Variants in MAIP1 observed in about 807,000 individuals in gnomAD.
MAIP1 encodes the protein matrix AAA peptidase interacting protein 1, also known as m-AAA protease-interacting protein 1, mitochondrial.
A neutral mutation model predicts 31.2 loss-of-function variants in MAIP1; 28 were observed. That is an observed-to-expected ratio of 0.90 (90% CI 0.67 to 1.23). MAIP1 has a LOEUF of 1.23. Among genes scored for constraint, MAIP1 ranks in the 50% most tolerant of loss-of-function variants. MAIP1 has a pLI of 0.00. For synonymous variants in MAIP1, 142 were observed against 142.3 expected (o/e 1.00, Z 0.02); for missense variants, 339 against 356.0 (o/e 0.95, Z 0.38).
Position 199,959,044 on chromosome 2 carries a change from T to C in MAIP1, c.451-224T>C, listed in dbSNP as rs1253465797. ...ACCACACACTATCATTTCCCGGTCCTGAGAGTGGATCCAGAATTAAAGGTC... is the reference window on the plus strand; with the variant it reads ...ACCACACACTATCATTTCCCGGTCCCGAGAGTGGATCCAGAATTAAAGGTC... On this transcript the variant is annotated intron_variant, in intron 1 of 4. Coordinates refer to ENST00000392290, the MANE Select transcript of MAIP1 (RefSeq NM_001394955.1). 2.0e-5 allele frequency among the ~76,000 whole-genome samples: 3 copies of C among 152,246 alleles called. No homozygotes were observed. In the South Asian group the frequency reaches 6.2e-4, roughly 31 times the overall value.
chr2:199,958,751 C>A (rs7598665), intron 1 of MAIP1, among the ~76,000 whole-genome samples: 77,105 of 151,950 alleles, frequency 0.51, 19,882 homozygotes, highest in South Asian at 0.62. Context: ...AATGGAATTT[C>A]ATACTTCAAA....
At chr2:199,956,277 C>T (rs773276688) in intron 1 of MAIP1, 29 bp downstream of exon 1, 3 of 1,540,692 alleles carry the variant, frequency 1.9e-6, no homozygotes, top group Non-Finnish European at 2.7e-6. Flanking sequence ...TTGACCTATC[C>T]GTCTCTAATG....
At chr2:199,957,954 C>T (rs1170346477) in intron 1 of MAIP1, among the ~76,000 whole-genome samples, 1 of 152,180 alleles carries the variant, frequency 6.6e-6, no homozygotes, top group Non-Finnish European at 1.5e-5. Context: ...GTACTTGTTT[C>T]CTCTGAACAC....
At chr2:199,957,039 CTTTTTTTTT>C in intron 1 of MAIP1, among the ~76,000 whole-genome samples, 1 of 129,832 alleles carries the variant, frequency 7.7e-6, no homozygotes, top group East Asian at 2.2e-4. Context: ...TGGGTACATG[CTTTTTTTTT>C]TTTTTTTTGG....
At chr2:199,955,480 C>T (rs2077591649), upstream of MAIP1, 4 of 1,613,170 alleles carry the variant, frequency 2.5e-6, no homozygotes, top group East Asian at 2.2e-5. Flanking sequence ...TGGTTGCTCA[C>T]GCCTGCCCTC....
In MAIP1 at chr2:199,955,962, C is replaced by T; in HGVS notation, c.164C>T (p.Pro55Leu). 2 of 1,607,832 alleles carry T rather than the reference C, an allele frequency of 1.2e-6. No homozygotes were observed. The highest frequency in any genetic ancestry group is 1.7e-6 in the Non-Finnish European group (2 of 1,176,128). ...CRLGLGAALF[P>L]RSARALAASA... is the part of the protein sequence containing the mutation. ...CTCGGCTTGGGAGCGGCGTTATTTC[C>T]ACGAAGCGCTAGGGCCTTGGCAGCC... The change falls in exon 1 of 5, where the codon CCA becomes CTA. Residue 55 changes from proline to leucine, a missense_variant. Physicochemically the swap from Pro to Leu is moderately conservative, Grantham distance 98. Transcript: ENST00000392290.
chr2:199,963,752 C>T lies in MAIP1; in HGVS notation c.817C>T (p.Gln273Ter), dbSNP rs1285941828. The T allele has an allele frequency of 6.2e-7, 1 of 1,605,022 alleles. No homozygotes were observed. The highest frequency in any genetic ancestry group is 1.7e-5 in the Admixed American group (1 of 59,832). Residue 273 changes from glutamine (Q) to a stop codon, truncating the protein, a stop_gained, in exon 5 of 5, where the codon CAA becomes TAA. Coordinates refer to ENST00000392290, the MANE Select transcript of MAIP1 (RefSeq NM_001394955.1). LOFTEE classifies it high-confidence loss of function. ...TCCTAGGTTTCAGAGGGAGTTCACA[C>T]AAGGAGTAAAGCCTGACTGGACCAT... Reference protein sequence around the residue: ...ASYEFQREFTQGVKPDWTIAR... With the variant: ...ASYEFQREFT
chr2:199,963,793 C>T lies in MAIP1; in HGVS notation c.858C>T (p.His286=). The T allele has an allele frequency of 6.2e-7, 1 of 1,606,320 alleles. No homozygotes were observed. Among genetic ancestry groups the T allele is most frequent in the Non-Finnish European group, 8.5e-7 (1 of 1,173,848 alleles). ...KPDWTIARIE[H]SKLLE The stretch of plus-strand genomic sequence containing the variant: ...ACTGGACCATTGCACGGATTGAACA[C>T]TCAAAATTATTAGAATAATTTTCTT... The change falls in exon 5 of 5, where the codon CAC becomes CAT. Residue 286 remains histidine, a synonymous_variant. Coordinates refer to ENST00000392290, the MANE Select transcript of MAIP1 (RefSeq NM_001394955.1).
chr2:199,964,074 C>A lies in MAIP1; in HGVS notation c.*263C>A. On this transcript the variant is annotated 3_prime_UTR_variant, in exon 5 of 5. Coordinates refer to ENST00000392290, the MANE Select transcript of MAIP1 (RefSeq NM_001394955.1). ...ATATTCAATAACATTTCCAATGCTACATATAATTTTATAGACATAATAAAG... is the reference window on the plus strand; with the variant it reads ...ATATTCAATAACATTTCCAATGCTAAATATAATTTTATAGACATAATAAAG... 1 of 231,324 alleles carries A rather than the reference C, an allele frequency of 4.3e-6. No individual in the cohort carries two copies. 14.3% of individuals were successfully genotyped at this position (231,324 alleles called of 1,614,324 possible).
chr2:199,956,131 C>G lies in MAIP1; in HGVS notation c.333C>G (p.Ile111Met), dbSNP rs759438298. 15 of 1,614,110 alleles carry G rather than the reference C, an allele frequency of 9.3e-6. No homozygotes were observed. The Middle Eastern group carries it at 4.9e-4, about 53-fold the overall frequency. Residue 111 changes from isoleucine (I) to methionine (M), a missense_variant, in exon 1 of 5, where the codon ATC (isoleucine) becomes ATG (methionine). Ile to Met is a conservative substitution (Grantham distance 10). Coordinates refer to ENST00000392290, the MANE Select transcript of MAIP1 (RefSeq NM_001394955.1). ...KPQQHQKTKM[I>M]VLGFSNPINW... is the part of the protein sequence containing the mutation. ...AGCAGCACCAGAAAACCAAGATGAT[C>G]GTCCTGGGATTCTCCAACCCCATCA... is the stretch of plus-strand genomic sequence containing the variant.
At chr2:199,960,056 A>G (rs968194614) in intron 3 of MAIP1, among the ~76,000 whole-genome samples, 176 bp downstream of exon 3, 7 of 152,196 alleles carry the variant, frequency 4.6e-5, no homozygotes, top group Admixed American at 4.6e-4. Context: ...TATGGTCATC[A>G]TTTCTTAAGC....
At position 199,961,986 on chromosome 2, in the gene MAIP1, G is replaced by T. The variant is rs540716498; in HGVS notation, c.797+58G>T. The stretch of plus-strand genomic sequence containing the variant: ...TTCAGAAAATGGAAGGTAGTGTGAA[G>T]GTATGAAAACTAAGAGATCTTTAGG... On this transcript the variant is annotated intron_variant, in intron 4 of 4. Coordinates refer to ENST00000392290, the MANE Select transcript of MAIP1 (RefSeq NM_001394955.1). The T allele has an allele frequency of 2.8e-6, 4 of 1,439,564 alleles. No individual in the cohort carries two copies. In the African/African-American group the frequency reaches 4.3e-5, roughly 15 times the overall value. The allele number at this position is 1,439,564 out of a possible 1,614,324, so 89.2% of individuals were successfully genotyped here.
rs766367458 is a variant in MAIP1, at chr2:199,955,841, C to T, written c.43C>T (p.Arg15Trp). Residue 15 changes from arginine to tryptophan, a missense_variant, in exon 1 of 5, where the codon CGG becomes TGG. Coordinates refer to ENST00000392290, the MANE Select transcript of MAIP1 (RefSeq NM_001394955.1). Reference protein sequence around the residue: ...ARLLPQFLHSRSLPCGAVRLR... With the variant: ...ARLLPQFLHSWSLPCGAVRLR... Reference sequence around the variant, plus strand: ...TTTGCTACCCCAGTTCCTGCACTCTCGGTCGCTGCCCTGCGGGGCCGTCCG... The same window carrying T: ...TTTGCTACCCCAGTTCCTGCACTCTTGGTCGCTGCCCTGCGGGGCCGTCCG... 4.6e-6 allele frequency: 7 copies of T among 1,522,272 alleles called. No individual in the cohort carries two copies. Among genetic ancestry groups the T allele is most frequent in the East Asian group, 2.3e-5 (1 of 44,152 alleles). The allele number at this position is 1,522,272 out of a possible 1,614,324, so 94.3% of individuals were successfully genotyped here.
rs369588266 is a variant in MAIP1, at chr2:199,959,887, C to T, written c.649+7C>T. 1.2e-6 allele frequency: 2 copies of T among 1,609,736 alleles called. No individual in the cohort carries two copies. The highest frequency in any genetic ancestry group is 8.5e-7 in the Non-Finnish European group (1 of 1,177,988). On this transcript the variant is annotated splice_region_variant and intron_variant, in intron 3 of 4. Transcript: ENST00000392290. ...ATTTACTATGATGAGAAAGGTAATA[C>T]CAGAGCATAGTCAACTTGAAATGAT...
At chr2:199,960,807 G>A (rs991570589) in intron 3 of MAIP1, among the ~76,000 whole-genome samples, 18 of 152,162 alleles carry the variant, frequency 1.2e-4, no homozygotes, top group African/African-American at 4.1e-4. Flanking sequence ...TTATGTGCCA[G>A]CCACACAGGA....
In MAIP1 at chr2:199,963,982, CA is replaced by C; in HGVS notation, c.*172del. On this transcript the variant is annotated 3_prime_UTR_variant, in exon 5 of 5. Coordinates refer to ENST00000392290, the MANE Select transcript of MAIP1 (RefSeq NM_001394955.1). ...CATGATACAGTAAAAGCATTTTCCA[CA>C]GATTGTTATCACCTTCTTTAAAAGA... The C allele has an allele frequency of 2.4e-6, 1 of 424,038 alleles. No homozygotes were observed. Among genetic ancestry groups the C allele is most frequent in the Non-Finnish European group, 4.2e-6 (1 of 239,058 alleles). The allele number at this position is 424,038 out of a possible 1,614,324, so 26.3% of individuals were successfully genotyped here.
At chr2:199,962,816 G>A (rs559083225) in intron 4 of MAIP1, among the ~76,000 whole-genome samples, 72 of 152,238 alleles carry the variant, frequency 4.7e-4, no homozygotes, top group African/African-American at 1.5e-3. Flanking sequence ...AAGTTAGCAA[G>A]TTACGTAAAA....
chr2:199,955,406 T>C (rs375880668), upstream of MAIP1: 22 of 1,613,328 alleles, frequency 1.4e-5, no homozygotes, highest in Non-Finnish European at 1.8e-5. Flanking sequence ...TGGGTAGAGG[T>C]GCTGCATGAA....
intron 3 of MAIP1, 38 bp downstream of exon 3, chr2:199,959,918 A>G (rs778604591): frequency 8.2e-6 from 13 of 1,593,800 alleles, no homozygotes; most frequent in Non-Finnish European, 1.1e-5. Flanking sequence ...ATGATCCATA[A>G]TTGTCCAGAT....
Sources: allele counts gnomAD v4.1 joint callset (sites outside exome capture counted in the v4.1 genomes callset), GRCh38; gene constraint gnomAD v4.1.1; transcripts MANE v1.5; gene names NCBI Gene and HGNC (gene_info 2026-07-23, HGNC 2026-07-21).